The following FLNC variants were observed in gnomAD, a reference collection of about 807,000 sequenced individuals.
The protein encoded by FLNC is filamin C.
FLNC carries 91 observed loss-of-function variants against 254.3 expected under a neutral mutation model. That is an observed-to-expected ratio of 0.36 (90% CI 0.30 to 0.43). The LOEUF (loss-of-function observed/expected upper bound fraction) is 0.43, where lower values mean the gene tolerates loss of function less well. FLNC is among the 20% of genes least tolerant of loss of function. The pLI, the probability that FLNC is intolerant of heterozygous loss-of-function variation, is 1.00. For missense variants in FLNC, 2,853 were observed against 3,802.6 expected (o/e 0.75, Z 6.57); for synonymous variants, 1,430 against 1,577.2 (o/e 0.91, Z 2.21).
rs765434369 is a variant in FLNC, at chr7:128,838,379, C to T, written c.1160C>T (p.Pro387Leu). 3 of 1,614,080 alleles carry T rather than the reference C, an allele frequency of 1.9e-6. No individual in the cohort carries two copies. In the South Asian group the frequency reaches 3.3e-5, roughly 18 times the overall value. ...TCAGCCCGTGGCCCTGGCCTGGAAC[C>T]TGTGGGCAATGTGGCCAACAAACCC... is the stretch of plus-strand genomic sequence containing the variant. ...KVSARGPGLE[P>L]VGNVANKPTY... Residue 387 changes from proline to leucine, a missense_variant, in exon 7 of 48, where the codon CCT (proline) becomes CTT (leucine). By Grantham distance (98) the Pro-to-Leu change is moderately conservative. This residue lies in a region of FLNC where 1,573 missense variants were observed against 1,883.5 expected (regional missense o/e 0.84). Transcript: ENST00000325888.
rs771535289 is a variant in FLNC, at chr7:128,852,759, G to C, written c.6004+7G>C. On this transcript the variant is annotated splice_region_variant and intron_variant, in intron 36 of 47. Transcript: ENST00000325888. ...CTGCCCAACCGGCACATTGGTGAGC[G>C]TGGGGCCTCACGGGGACCTCAGGGG... 6.2e-7 allele frequency: 1 copy of C among 1,613,334 alleles called. No homozygotes were observed. Among genetic ancestry groups the C allele is most frequent in the Admixed American group, 1.7e-5 (1 of 60,018 alleles).
rs944316184 is a variant in FLNC at position 128,841,117 on chromosome 7, C to T, written c.1814-53C>T. On this transcript the variant is annotated intron_variant, in intron 11 of 47. Coordinates refer to ENST00000325888, the MANE Select transcript of FLNC (RefSeq NM_001458.5). The surrounding 1 kb of genome is among the most constrained non-coding windows in gnomAD (Gnocchi z 4.3). The stretch of plus-strand genomic sequence containing the variant: ...GGGCAGCTAGAGGGGAGCTGGGGGA[C>T]GGAAGGGTCTTGCCTGATGCTGGAT... 1.1e-5 allele frequency: 18 copies of T among 1,597,648 alleles called. No individual in the cohort carries two copies. Among genetic ancestry groups the T allele is most frequent in the African/African-American group, 4.0e-5 (3 of 74,570 alleles).
intron 1 of FLNC, among the ~76,000 whole-genome samples, chr7:128,832,742 T>C (rs953616180): frequency 6.6e-6 from 1 of 152,180 alleles, no homozygotes; most frequent in African/African-American, 2.4e-5. Context: ...TTGGGCCAAG[T>C]GGCTCACTGG....
intron 38 of FLNC, 26 bp from the exon 39 acceptor site, chr7:128,853,689 T>A (rs1808922674): frequency 1.2e-6 from 2 of 1,613,856 alleles, no homozygotes; most frequent in South Asian, 2.2e-5. Flanking sequence ...CTGAGGTTCC[T>A]GACCCACCCT....
Position 128,850,952 on chromosome 7 carries a change from GGGGCT to G in FLNC, c.5539+23_5539+27del, listed in dbSNP as rs752668700. 2 of 1,613,474 alleles carry G rather than the reference GGGGCT, an allele frequency of 1.2e-6. No homozygotes were observed. Among genetic ancestry groups the G allele is most frequent in the Non-Finnish European group, 1.7e-6 (2 of 1,179,786 alleles). On this transcript the variant is annotated intron_variant, in intron 33 of 47. Transcript: ENST00000325888. ...CGGCAACCACATCCCTGGTGAGTTAGGGGCTGGGCTGGGCTGGGGCTTGGGTGAGA... is the reference window on the plus strand; with the variant it reads ...CGGCAACCACATCCCTGGTGAGTTAGGGGCTGGGCTGGGGCTTGGGTGAGA...
At chr7:128,849,638 C>T in intron 30 of FLNC, 60 bp downstream of exon 30, 1 of 1,589,688 alleles carries the variant, frequency 6.3e-7, no homozygotes, top group Non-Finnish European at 8.6e-7. Flanking sequence ...GCCCTTTTAG[C>T]AGCAGCAGGG....
At position 128,840,930 on chromosome 7, in the gene FLNC, T is replaced by C. The variant is rs748657873; in HGVS notation, c.1773T>C (p.Asp591=). The change falls in exon 11 of 48, where the codon GAT becomes GAC. Residue 591 remains aspartate, a synonymous_variant. Transcript: ENST00000325888. Reference sequence around the variant, plus strand: ...CTGGCCAGGTGGGCAAGTCAGCCGATTTTGTGGTGGAAGCCATTGGCACCG... The same window carrying C: ...CTGGCCAGGTGGGCAAGTCAGCCGACTTTGTGGTGGAAGCCATTGGCACCG... ...LETGQVGKSA[D]FVVEAIGTEV... is the part of the protein sequence containing the mutation. 6 of 1,608,850 alleles carry C rather than the reference T, an allele frequency of 3.7e-6. No homozygotes were observed. The South Asian group carries it at 6.6e-5, about 18-fold the overall frequency.
In FLNC at chr7:128,854,002, G is replaced by C. The variant is rs1808937666; in HGVS notation, c.6513G>C (p.Gln2171His). Reference protein sequence around the residue: ...PGNWFQMVSAQERLTRTFTRS... With the variant: ...PGNWFQMVSAHERLTRTFTRS... ...ACTGGTTCCAGATGGTGTCTGCCCA[G>C]GAGCGCCTGACACGCACCTTCACAC... The change falls in exon 40 of 48, where the codon CAG (glutamine) becomes CAC (histidine). Residue 2171 changes from glutamine (Q) to histidine (H), a missense_variant. Gln to His is a conservative substitution (Grantham distance 24, BLOSUM62 0). Transcript: ENST00000325888. 6.2e-7 allele frequency: 1 copy of C among 1,613,190 alleles called. No individual in the cohort carries two copies.
chr7:128,853,555 A>G lies in FLNC; in HGVS notation c.6295A>G (p.Thr2099Ala). The G allele has an allele frequency of 6.2e-7, 1 of 1,613,754 alleles. No homozygotes were observed. Among genetic ancestry groups the G allele is most frequent in the Non-Finnish European group, 8.5e-7 (1 of 1,179,958 alleles). The change falls in exon 38 of 48, where the codon ACC (threonine) becomes GCC (alanine). Residue 2099 changes from threonine to alanine, a missense_variant. Physicochemically the swap from Thr to Ala is moderately conservative, Grantham distance 58. Coordinates refer to ENST00000325888, the MANE Select transcript of FLNC (RefSeq NM_001458.5). ...EDMEDGTCKV[T>A]YCPTEPGTYI... is the part of the protein sequence containing the mutation. ...CATGGAGGACGGGACATGCAAAGTC[A>G]CCTACTGCCCCACCGAGCCCGGCAC...
At chr7:128,834,141 G>T (rs950435284) in intron 1 of FLNC, among the ~76,000 whole-genome samples, 1 of 152,228 alleles carries the variant, frequency 6.6e-6, no homozygotes, top group Non-Finnish European at 1.5e-5. Context: ...CAGTAAACAA[G>T]ACTGTCTTCC....
Position 128,835,955 on chromosome 7 carries a change from A to T in FLNC, c.601+381A>T, listed in dbSNP as rs1270995305. Among the ~76,000 whole-genome samples the T allele has an allele frequency of 6.6e-6, 1 of 152,138 alleles. No individual in the cohort carries two copies. On this transcript the variant is annotated intron_variant, in intron 2 of 47. Coordinates refer to ENST00000325888, the MANE Select transcript of FLNC (RefSeq NM_001458.5). This position sits in a 1 kb window ranked among gnomAD's most constrained non-coding sequence, Gnocchi z 5.3. ...GTGCCACGAGGCACTATTCCTGCCG[A>T]GCTGAGAGAGAGGCAGTGTGGTGAC...
chr7:128,833,028 T>C (rs1385102359), intron 1 of FLNC, among the ~76,000 whole-genome samples: 2 of 152,162 alleles, frequency 1.3e-5, no homozygotes, highest in East Asian at 1.9e-4. Context: ...CACTTCTCTT[T>C]CCAGGAGGGA....
chr7:128,844,185 G>A lies in FLNC; in HGVS notation c.3111G>A (p.Lys1037=), dbSNP rs1808458398. 1 of 1,613,820 alleles carries A rather than the reference G, an allele frequency of 6.2e-7. No individual in the cohort carries two copies. Among genetic ancestry groups the A allele is most frequent in the Non-Finnish European group, 8.5e-7 (1 of 1,179,940 alleles). ...TGCCCCCGGAGGAGGGGCCCTACAA[G>A]GTGGATATCACCTACGATGGTCACC... The part of the protein sequence containing the change: ...RYMPPEEGPY[K]VDITYDGHPV... The change falls in exon 20 of 48, where the codon AAG becomes AAA. Residue 1037 remains lysine, a synonymous_variant. Coordinates refer to ENST00000325888, the MANE Select transcript of FLNC (RefSeq NM_001458.5).
At chr7:128,854,991 A>C in intron 42 of FLNC, 79 bp downstream of exon 42, 1 of 1,508,726 alleles carries the variant, frequency 6.6e-7, no homozygotes, top group Non-Finnish European at 9.2e-7. Flanking sequence ...CAGGCAGGAG[A>C]TGCTTGGGGC....
rs1808558589 is a variant in FLNC, at chr7:128,846,179, C to T, written c.3964+16C>T. On this transcript the variant is annotated intron_variant, in intron 22 of 47. Transcript: ENST00000325888. ...TACGAGGAGGGTGAGGGCCGGTGGG[C>T]CAGGCTAGTGGGCAGGGCTGGGCAA... is the stretch of plus-strand genomic sequence containing the variant. 1 of 1,613,820 alleles carries T rather than the reference C, an allele frequency of 6.2e-7. No individual in the cohort carries two copies. The highest frequency in any genetic ancestry group is 2.2e-5 in the East Asian group (1 of 44,858).
chr7:128,848,446 C>A, intron 26 of FLNC, 115 bp from the exon 27 acceptor site: 4 of 1,152,648 alleles, frequency 3.5e-6, no homozygotes, highest in Non-Finnish European at 5.2e-6. Context: ...CTCCCTGCCC[C>A]ACAGTCCTCC....
At chr7:128,854,254 C>T (rs368479938) in intron 40 of FLNC, 38 bp downstream of exon 40, 188 of 1,603,638 alleles carry the variant, frequency 1.2e-4, no homozygotes, top group South Asian at 4.7e-4. Flanking sequence ...GTCCTCACGG[C>T]GGGATGGGAG....
chr7:128,842,761 G>A lies in FLNC; in HGVS notation c.2390-33G>A, dbSNP rs776500499. ...GGGGGTGAGTCGAGTCGGGGGCTGA[G>A]CCCAACTCACAGCAGTGCCCGCTTC... On this transcript the variant is annotated intron_variant, in intron 15 of 47. Coordinates refer to ENST00000325888, the MANE Select transcript of FLNC (RefSeq NM_001458.5). This position sits in a 1 kb window ranked among gnomAD's most constrained non-coding sequence, Gnocchi z 5.4. The A allele has an allele frequency of 8.1e-6, 13 of 1,610,748 alleles. No individual in the cohort carries two copies. Among genetic ancestry groups the A allele is most frequent in the Non-Finnish European group, 6.8e-6 (8 of 1,178,960 alleles).
intron 23 of FLNC, 60 bp from the exon 24 acceptor site, chr7:128,846,685 C>T (rs1808582955): frequency 1.3e-6 from 2 of 1,553,864 alleles, no homozygotes; most frequent in Non-Finnish European, 1.8e-6. Flanking sequence ...CCCCATTCAG[C>T]TACTCCCTCA....
Sources: allele counts gnomAD v4.1 joint callset (sites outside exome capture counted in the v4.1 genomes callset), GRCh38; gene constraint gnomAD v4.1.1; regional missense constraint gnomAD v4.1.1; non-coding constraint Gnocchi (gnomAD v3.1); transcripts MANE v1.5; gene names NCBI Gene and HGNC (gene_info 2026-07-23, HGNC 2026-07-21).